ACTN1: variants seen among roughly 807,000 people sequenced by gnomAD.
ACTN1 encodes actinin alpha 1.
ACTN1 carries 30 observed loss-of-function variants against 119.6 expected under a neutral mutation model. The observed-to-expected ratio is 0.25, with a 90% confidence interval of 0.19 to 0.34. ACTN1 has a LOEUF of 0.34. ACTN1 is among the 10% of genes least tolerant of loss of function. The pLI is 1.00. For missense variants in ACTN1, 764 were observed against 1,223.4 expected, an observed-to-expected ratio of 0.62 and a Z score of 5.60; for synonymous variants, 429 against 472.6, an observed-to-expected ratio of 0.91 and a Z score of 1.20.
At chr14:68,964,806 A>G (rs765421727) in intron 1 of ACTN1, among the ~76,000 whole-genome samples, 40 of 152,186 alleles carry the variant, frequency 2.6e-4, no homozygotes, top group Admixed American at 2.0e-4. Context: ...TAACACCAAG[A>G]TCACCGCCGC....
intron 1 of ACTN1, among the ~76,000 whole-genome samples, chr14:68,970,231 G>A (rs1297901940): frequency 6.6e-6 from 1 of 151,900 alleles, no homozygotes; most frequent in Non-Finnish European, 1.5e-5. Context: ...CTGAACATTT[G>A]GGGCCTCTGA....
chr14:68,893,635 G>T lies in ACTN1; in HGVS notation c.855+20C>A, dbSNP rs763343255. ...CTGACTCTTGCTAGAGTCAGGCCAG[G>T]TGAACCCGGGGGTACCCACATCACT... On this transcript the variant is annotated intron_variant, in intron 9 of 21. Transcript: ENST00000394419. 1.2e-6 allele frequency: 2 copies of T among 1,612,178 alleles called. No homozygotes were observed. The highest frequency in any genetic ancestry group is 1.7e-6 in the Non-Finnish European group (2 of 1,178,956).
chr14:68,916,598 C>T (rs1196553738), intron 3 of ACTN1, among the ~76,000 whole-genome samples: 1 of 152,194 alleles, frequency 6.6e-6, no homozygotes, highest in Non-Finnish European at 1.5e-5. Context: ...CCTGGCATGG[C>T]AGGTCCTGTA....
chr14:68,939,923 T>C (rs1411147825), intron 1 of ACTN1, among the ~76,000 whole-genome samples: 1 of 152,178 alleles, frequency 6.6e-6, no homozygotes, highest in African/African-American at 2.4e-5. Flanking sequence ...AGACAGGCCC[T>C]GGACCAGAGC....
chr14:68,929,382 G>A (rs1442706119), intron 1 of ACTN1, among the ~76,000 whole-genome samples: 3 of 151,996 alleles, frequency 2.0e-5, no homozygotes, highest in Admixed American at 6.5e-5. Context: ...CAGCCTGGAC[G>A]CCCAGCGTGG....
At position 68,884,266 on chromosome 14, in the gene ACTN1, C is replaced by T; in HGVS notation, c.1537G>A (p.Glu513Lys). Residue 513 changes from glutamate (E) to lysine (K), a missense_variant, in exon 14 of 22, where the codon GAG becomes AAG. This residue lies in a region of ACTN1 where 544 missense variants were observed against 912.0 expected (regional missense o/e 0.60). Coordinates refer to ENST00000394419, the MANE Select transcript of ACTN1 (RefSeq NM_001130004.2). ...LLETIDQLYLEYAKRAAPFNN... is the reference protein window; with the variant it reads ...LLETIDQLYLKYAKRAAPFNN... ...AAGGGTGCAGCCCGCTTGGCATACT[C>T]CAAGTACAGCTGGTCAATGGTCTCC... The T allele has an allele frequency of 6.2e-7, 1 of 1,614,140 alleles. No homozygotes were observed.
chr14:68,910,812 G>A (rs141287592), intron 4 of ACTN1, among the ~76,000 whole-genome samples: 3 of 152,300 alleles, frequency 2.0e-5, no homozygotes, highest in Admixed American at 1.3e-4. Flanking sequence ...TAAGTCTCAC[G>A]AGGTCTGATG....
At chr14:68,897,322 G>A (rs373699267) in intron 8 of ACTN1, among the ~76,000 whole-genome samples, 1 of 151,886 alleles carries the variant, frequency 6.6e-6, no homozygotes, top group African/African-American at 2.4e-5. Flanking sequence ...TTTAAGCTGC[G>A]CTATTATACA....
chr14:68,908,284 G>A (rs558668065), intron 6 of ACTN1, among the ~76,000 whole-genome samples: 7 of 152,054 alleles, frequency 4.6e-5, no homozygotes, highest in East Asian at 1.9e-4. Context: ...CCACCCGCCC[G>A]AAACAAAGGG....
chr14:68,905,786 G>A (rs2033627344), intron 6 of ACTN1, among the ~76,000 whole-genome samples: 1 of 152,116 alleles, frequency 6.6e-6, no homozygotes, highest in Non-Finnish European at 1.5e-5. Context: ...GAGGTCAGGA[G>A]TTCATGACTA....
rs1186950284 is a variant in ACTN1, at chr14:68,874,740, G to GC, written c.*118dup. On this transcript the variant is annotated 3_prime_UTR_variant, in exon 22 of 22. Coordinates refer to ENST00000394419, the MANE Select transcript of ACTN1 (RefSeq NM_001130004.2). ...GGCAGGGAGGATCGATGCCACGTGG[G>GC]CCCCAGCTCACCCGGGTGGAGGCTG... is the stretch of plus-strand genomic sequence containing the variant. 32 of 1,048,148 alleles carry GC rather than the reference G, an allele frequency of 3.1e-5. No homozygotes were observed. Among genetic ancestry groups the GC allele is most frequent in the Non-Finnish European group, 3.4e-5 (26 of 776,034 alleles). The allele number at this position is 1,048,148 out of a possible 1,614,324, so 64.9% of individuals were successfully genotyped here. A position where few individuals can be genotyped will look rare whatever the true frequency, so the allele number is the denominator to read the frequency against.
At chr14:68,902,429 C>G (rs373781734) in intron 8 of ACTN1, 48 bp downstream of exon 8, 89 of 1,515,214 alleles carry the variant, frequency 5.9e-5, no homozygotes, top group Non-Finnish European at 5.8e-5. Flanking sequence ...GGTTTGGGGT[C>G]CAGCAGGAGG....
At chr14:68,903,585 G>C (rs921751659) in intron 7 of ACTN1, among the ~76,000 whole-genome samples, 4 of 151,456 alleles carry the variant, frequency 2.6e-5, no homozygotes, top group Admixed American at 6.6e-5. Flanking sequence ...GGAACAGTCT[G>C]GACCCCACCG....
rs2140742056 is a variant in ACTN1, at chr14:68,979,142, G to GGGCT, written c.-90_-87dup. On this transcript the variant is annotated 5_prime_UTR_variant, in exon 1 of 22. Transcript: ENST00000394419. ...GCTGCCCTGGCGTGGGGAGGGAGTAGGGCTGGGCTGGGCTGGGCTGGCGGG... is the reference window on the plus strand; with the variant it reads ...GCTGCCCTGGCGTGGGGAGGGAGTAGGGCTGGCTGGGCTGGGCTGGGCTGGCGGG... 2 of 660,058 alleles carry GGGCT rather than the reference G, an allele frequency of 3.0e-6. 1 individual carries two copies. The allele number at this position is 660,058 out of a possible 1,614,324, so 40.9% of individuals were successfully genotyped here. A position where few individuals can be genotyped will look rare whatever the true frequency, so the allele number is the denominator to read the frequency against.
At chr14:68,893,598 C>A in intron 9 of ACTN1, 57 bp downstream of exon 9, 2 of 1,520,044 alleles carry the variant, frequency 1.3e-6, no homozygotes, top group African/African-American at 1.4e-5. Flanking sequence ...TGGAGGTACA[C>A]GTTCTAGGGG....
At position 68,885,827 on chromosome 14, in the gene ACTN1, A is replaced by T; in HGVS notation, c.1235-252T>A. 1 of 498,246 alleles carries T rather than the reference A, an allele frequency of 2.0e-6. No homozygotes were observed. Among genetic ancestry groups the T allele is most frequent in the South Asian group, 2.6e-5 (1 of 38,634 alleles). 30.9% of individuals were successfully genotyped at this position (498,246 alleles called of 1,614,324 possible). ...AAGTGTCTACGCAGGAAGGCTATGC[A>T]GGAGTCTGTGGGAATGCATAGGGCA... On this transcript the variant is annotated intron_variant, in intron 11 of 21. Transcript: ENST00000394419. The surrounding 1 kb of genome is among the most constrained non-coding windows in gnomAD (Gnocchi z 5.6).
intron 1 of ACTN1, among the ~76,000 whole-genome samples, chr14:68,958,897 C>T (rs1205200332): frequency 6.6e-6 from 1 of 152,238 alleles, no homozygotes; most frequent in East Asian, 1.9e-4. Flanking sequence ...TAGAAGACAA[C>T]TTTGGCCTCG....
At chr14:68,972,077 AATCCC>A (rs1302137052) in intron 1 of ACTN1, among the ~76,000 whole-genome samples, 3 of 152,146 alleles carry the variant, frequency 2.0e-5, no homozygotes, top group Non-Finnish European at 2.9e-5. Flanking sequence ...GGAGAGAAGC[AATCCC>A]AGGCCAAGAG....
At chr14:68,903,834 C>T (rs1455036661) in intron 7 of ACTN1, among the ~76,000 whole-genome samples, 3 of 152,134 alleles carry the variant, frequency 2.0e-5, no homozygotes, top group African/African-American at 7.2e-5. Flanking sequence ...CTCACCCCAT[C>T]CGAGACGCTC....
Sources: allele counts gnomAD v4.1 joint callset (sites outside exome capture counted in the v4.1 genomes callset), GRCh38; gene constraint gnomAD v4.1.1; regional missense constraint gnomAD v4.1.1; non-coding constraint Gnocchi (gnomAD v3.1); transcripts MANE v1.5; gene names NCBI Gene and HGNC (gene_info 2026-07-23, HGNC 2026-07-21).